The following RFFL variants were observed in gnomAD, a reference collection of about 807,000 sequenced individuals.
The protein encoded by RFFL is E3 ubiquitin-protein ligase rififylin.
A neutral mutation model predicts 40.4 loss-of-function variants in RFFL; 16 were observed. That is an observed-to-expected ratio of 0.40 (90% CI 0.27 to 0.60). The LOEUF is 0.60. Ranked by LOEUF, RFFL falls within the 20% of genes least tolerant of loss-of-function variation. The probability of loss-of-function intolerance (pLI) is 0.47; values close to 1 mark genes in which losing one functional copy is unlikely to be tolerated. For missense variants in RFFL, 367 were observed against 451.7 expected (o/e 0.81, Z 1.70); for synonymous variants, 154 against 167.9 (o/e 0.92, Z 0.64).
upstream of RFFL, among the ~76,000 whole-genome samples, chr17:35,065,152 T>A (rs1437093473): frequency 6.6e-6 from 1 of 152,100 alleles, no homozygotes; most frequent in Non-Finnish European, 1.5e-5. Flanking sequence ...TGATGATAAG[T>A]TACAAATTCT....
chr17:35,078,328 G>A (rs1002635643), intron 1 of RFFL, among the ~76,000 whole-genome samples: 1 of 151,934 alleles, frequency 6.6e-6, no homozygotes, highest in African/African-American at 2.4e-5. Context: ...CTGGAGACAG[G>A]GTCTCACTCT....
chr17:35,043,167 A>T (rs1252774224), intron 1 of RFFL, among the ~76,000 whole-genome samples: 1 of 152,184 alleles, frequency 6.6e-6, no homozygotes, highest in Non-Finnish European at 1.5e-5. Flanking sequence ...GGGGGGAAAA[A>T]AAGCTGTTCC....
chr17:35,024,141 C>T (rs958662756), intron 2 of RFFL, among the ~76,000 whole-genome samples: 1 of 152,120 alleles, frequency 6.6e-6, no homozygotes. Flanking sequence ...CTGGCCGTGG[C>T]GCCTCAGGCC....
At chr17:35,056,750 T>C (rs1009749336) in intron 1 of RFFL, among the ~76,000 whole-genome samples, 5 of 152,148 alleles carry the variant, frequency 3.3e-5, no homozygotes, top group African/African-American at 9.7e-5. Flanking sequence ...CTATCTGCGA[T>C]GATCCTTCTC....
intron 2 of RFFL, among the ~76,000 whole-genome samples, chr17:35,023,436 A>G (rs1033332273): frequency 6.6e-6 from 1 of 152,264 alleles, no homozygotes; most frequent in African/African-American, 2.4e-5. Context: ...CTAATTCTCC[A>G]TACAGTTATA....
chr17:35,039,460 C>T (rs1257849395), intron 1 of RFFL, among the ~76,000 whole-genome samples: 1 of 152,034 alleles, frequency 6.6e-6, no homozygotes, highest in Non-Finnish European at 1.5e-5. Flanking sequence ...CGTCATGATC[C>T]GCCCACCTCG....
intron 1 of RFFL, among the ~76,000 whole-genome samples, chr17:35,082,812 A>G (rs968757259): frequency 1.3e-5 from 2 of 152,204 alleles, no homozygotes; most frequent in Non-Finnish European, 2.9e-5. Context: ...AGGTATTTTC[A>G]TCTTGCAGAT....
intron 2 of RFFL, 130 bp from the exon 3 acceptor site, chr17:35,021,911 TCA>T: frequency 1.1e-6 from 1 of 880,122 alleles, no homozygotes; most frequent in Admixed American, 2.6e-5. Flanking sequence ...CTAAGCTCTC[TCA>T]TATATCTAAG....
At position 35,010,389 on chromosome 17, in the gene RFFL, G is replaced by A. The variant is rs1268171297; in HGVS notation, c.*1579C>T. The A allele has an allele frequency of 1.3e-5, 2 of 152,188 alleles. No individual in the cohort carries two copies. Among genetic ancestry groups the A allele is most frequent in the Non-Finnish European group, 2.9e-5 (2 of 68,072 alleles). 9.4% of individuals were successfully genotyped at this position (152,188 alleles called of 1,614,324 possible). On this transcript the variant is annotated 3_prime_UTR_variant, in exon 7 of 7. Transcript: ENST00000394597. ...ACTCTTAAGTCCTCCAGCTCCTCTA[G>A]GGGTGTAAAGACTGTGAGGGCTCAA...
At chr17:35,078,284 A>G (rs144312849) in intron 1 of RFFL, among the ~76,000 whole-genome samples, 2,719 of 152,302 alleles carry the variant, frequency 0.018, 26 homozygotes, top group Non-Finnish European at 0.028. Flanking sequence ...GTAATCTCCA[A>G]TAAAGAAGTT....
At chr17:35,044,353 G>C (rs1252642186) in intron 1 of RFFL, among the ~76,000 whole-genome samples, 1 of 152,234 alleles carries the variant, frequency 6.6e-6, no homozygotes, top group Non-Finnish European at 1.5e-5. Flanking sequence ...TGGGATTACA[G>C]GCAATGAGCC....
At chr17:35,027,561 C>T (rs980450951) in intron 1 of RFFL, among the ~76,000 whole-genome samples, 8 of 151,696 alleles carry the variant, frequency 5.3e-5, no homozygotes, top group Non-Finnish European at 1.2e-4. Context: ...TCCATCTCTA[C>T]TAAAAATACA....
At position 35,061,878 on chromosome 17, in the gene RFFL, C is replaced by T. The variant is rs192361712; in HGVS notation, c.-9+1698G>A. 3.9e-5 allele frequency among the ~76,000 whole-genome samples: 6 copies of T among 151,910 alleles called. 1 individual carries two copies. The South Asian group carries it at 6.3e-4, about 16-fold the overall frequency. ...TGTTTTTAGTAGAGATGGGGTTTCA[C>T]CATGTTAGCCAGGCTGGTCTCAAAC... On this transcript the variant is annotated intron_variant, in intron 1 of 6. Transcript: ENST00000394597.
Position 35,012,019 on chromosome 17 carries a change from ACATT to A in RFFL, c.1037_1040del (p.Glu346ValfsTer8). 6.2e-7 allele frequency: 1 copy of A among 1,614,194 alleles called. No homozygotes were observed. Among genetic ancestry groups the A allele is most frequent in the Non-Finnish European group, 8.5e-7 (1 of 1,180,040 alleles). On this transcript the variant is annotated frameshift_variant, in exon 7 of 7. Transcript: ENST00000394597. LOFTEE classifies it high-confidence loss of function. ...GGATTACATACTGCCGGCAGATGGG[ACATT>A]CATTCATGCGCTTGCCACACTTGGT... is the stretch of plus-strand genomic sequence containing the variant.
chr17:35,027,612 T>C (rs1442379796), intron 1 of RFFL, among the ~76,000 whole-genome samples: 4 of 150,874 alleles, frequency 2.7e-5, no homozygotes, highest in Non-Finnish European at 5.9e-5. Context: ...AAATCCCAGC[T>C]ACTCGGAAGG....
chr17:35,026,186 A>T (rs887645890), intron 2 of RFFL, among the ~76,000 whole-genome samples, 188 bp downstream of exon 2: 9 of 152,258 alleles, frequency 5.9e-5, no homozygotes, highest in African/African-American at 1.7e-4. Flanking sequence ...CTCCAAATCT[A>T]TGCTGACATG....
chr17:35,008,731 A>T lies in RFFL; in HGVS notation c.*3237T>A, dbSNP rs1597808032. On this transcript the variant is annotated 3_prime_UTR_variant, in exon 7 of 7. Coordinates refer to ENST00000394597, the MANE Select transcript of RFFL (RefSeq NM_001017368.2). ...ACTGCAAGCTCCGCCTCCCGGGTTC[A>T]CACCATTCTCCTGCCTCAGCCTCCC... 1 of 151,992 alleles carries T rather than the reference A, an allele frequency of 6.6e-6. No individual in the cohort carries two copies. The highest frequency in any genetic ancestry group is 2.1e-4 in the South Asian group (1 of 4,826). 9.4% of individuals were successfully genotyped at this position (151,992 alleles called of 1,614,324 possible).
chr17:35,036,829 T>C (rs2091126410), intron 1 of RFFL, among the ~76,000 whole-genome samples: 1 of 152,214 alleles, frequency 6.6e-6, no homozygotes, highest in African/African-American at 2.4e-5. Flanking sequence ...TCAAAACACT[T>C]CTCCGCTTGT....
intron 3 of RFFL, 61 bp downstream of exon 3, chr17:35,021,310 G>T: frequency 1.4e-6 from 2 of 1,468,430 alleles, no homozygotes; most frequent in Non-Finnish European, 1.8e-6. Context: ...GGCAGGAGAG[G>T]AAAATGAAAA....
Sources: allele counts gnomAD v4.1 joint callset (sites outside exome capture counted in the v4.1 genomes callset), GRCh38; gene constraint gnomAD v4.1.1; transcripts MANE v1.5; gene names NCBI Gene and HGNC (gene_info 2026-07-23, HGNC 2026-07-21).